PRPF18: variants seen among roughly 807,000 people sequenced by gnomAD.
PRPF18 encodes the protein pre-mRNA processing factor 18.
Under a neutral mutation model 46.5 loss-of-function variants are expected in PRPF18, and 38 were observed. That is an observed-to-expected ratio of 0.82 (90% CI 0.63 to 1.07). The LOEUF is 1.07. Ranked by LOEUF, PRPF18 falls within the 50% of genes least tolerant of loss-of-function variation. The probability of loss-of-function intolerance (pLI) is 0.00; values close to 1 mark genes in which losing one functional copy is unlikely to be tolerated. For missense variants in PRPF18, 263 were observed against 410.0 expected, an observed-to-expected ratio of 0.64 and a Z score of 3.10; for synonymous variants, 152 against 146.7, an observed-to-expected ratio of 1.04 and a Z score of -0.26.
intron 9 of PRPF18, among the ~76,000 whole-genome samples, chr10:13,629,254 C>T (rs2080557369): frequency 6.6e-6 from 1 of 152,056 alleles, no homozygotes; most frequent in African/African-American, 2.4e-5. Context: ...TTACAGTTGC[C>T]AAGATACAGA....
At position 13,630,298 on chromosome 10, in the gene PRPF18, TCCTACAGAC is replaced by T; in HGVS notation, c.990_998del (p.Thr331_Pro333del). Reference sequence around the variant, plus strand: ...TAATGACCATTTGCCAGAAACACTTTCCTACAGACCCATCCAAATGTGTGGAGTACAATG... The same window carrying T: ...TAATGACCATTTGCCAGAAACACTTTCCATCCAAATGTGTGGAGTACAATG... On this transcript the variant is annotated inframe_deletion, in exon 10 of 10. Transcript: ENST00000378572. 1 of 1,612,858 alleles carries T rather than the reference TCCTACAGAC, an allele frequency of 6.2e-7. No individual in the cohort carries two copies. The highest frequency in any genetic ancestry group is 8.5e-7 in the Non-Finnish European group (1 of 1,178,842).
the PRPF18 span, chr10:13,655,543 C>T: frequency 1.0e-5 from 1 of 98,892 alleles, no homozygotes; most frequent in Non-Finnish European, 2.0e-5. Context: ...GCCAGTGGAC[C>T]CTAATAAACG....
intron 4 of PRPF18, among the ~76,000 whole-genome samples, chr10:13,607,548 A>C (rs2080208262): frequency 6.6e-6 from 1 of 152,130 alleles, no homozygotes; most frequent in Non-Finnish European, 1.5e-5. Context: ...AGTAGCTGAG[A>C]CCACAGGTGT....
intron 1 of PRPF18, among the ~76,000 whole-genome samples, chr10:13,588,231 A>AC (rs1426825851): frequency 6.6e-6 from 1 of 151,886 alleles, no homozygotes; most frequent in African/African-American, 2.4e-5. Flanking sequence ...ACATGGTGAA[A>AC]CCCCGTCTCT....
At position 13,630,684 on chromosome 10, in the gene PRPF18, G is replaced by A; in HGVS notation, c.*344G>A. 6.4e-6 allele frequency: 1 copy of A among 155,064 alleles called. No homozygotes were observed. The highest frequency in any genetic ancestry group is 2.4e-5 in the African/African-American group (1 of 41,602). 9.6% of individuals were successfully genotyped at this position (155,064 alleles called of 1,614,324 possible). A position where few individuals can be genotyped will look rare whatever the true frequency, so the allele number is the denominator to read the frequency against. ...TAGATGATTAAAAAGAAACATTTGA[G>A]GATGGACTTAATTATTTCAGTAAAA... is the stretch of plus-strand genomic sequence containing the variant. On this transcript the variant is annotated 3_prime_UTR_variant, in exon 10 of 10. Coordinates refer to ENST00000378572, the MANE Select transcript of PRPF18 (RefSeq NM_003675.4).
intron 1 of PRPF18, among the ~76,000 whole-genome samples, chr10:13,595,201 A>C (rs1465880217): frequency 6.6e-6 from 1 of 152,182 alleles, no homozygotes; most frequent in East Asian, 1.9e-4. Context: ...AACGGGGCAC[A>C]TAATGTCTTA....
At chr10:13,619,049 A>G (rs181075711) in intron 9 of PRPF18, among the ~76,000 whole-genome samples, 135 of 152,238 alleles carry the variant, frequency 8.9e-4, no homozygotes, top group Non-Finnish European at 1.6e-3. Flanking sequence ...GGAGCATGCA[A>G]CCTCGATCCC....
At chr10:13,611,581 T>G in intron 5 of PRPF18, 34 bp from the exon 6 acceptor site, 1 of 1,574,404 alleles carries the variant, frequency 6.4e-7, no homozygotes, top group Non-Finnish European at 8.7e-7. Flanking sequence ...TTGCTCTGTA[T>G]TAATGAACAG....
chr10:13,647,766 A>G, the PRPF18 span: 1 of 146,594 alleles, frequency 6.8e-6, no homozygotes, highest in Non-Finnish European at 1.5e-5. Context: ...TTAGGGAGGT[A>G]TCACCATTTA....
chr10:13,611,862 A>G (rs2080273451), intron 6 of PRPF18, among the ~76,000 whole-genome samples, 179 bp downstream of exon 6: 1 of 150,358 alleles, frequency 6.7e-6, no homozygotes, highest in African/African-American at 2.4e-5. Context: ...GAGAAAATGC[A>G]TATTTACTTT....
At chr10:13,654,335 A>G in the PRPF18 span, 1 of 932,978 alleles carries the variant, frequency 1.1e-6, no homozygotes, top group African/African-American at 1.6e-5. Context: ...ATTTACTGAC[A>G]TATCCTTATG....
intron 9 of PRPF18, 148 bp downstream of exon 9, chr10:13,616,701 G>T (rs2133822435): frequency 2.1e-6 from 2 of 971,380 alleles, no homozygotes; most frequent in East Asian, 5.2e-5. Context: ...CACTGACACT[G>T]AAGCCACCTT....
the PRPF18 span, among the ~76,000 whole-genome samples, chr10:13,636,654 AAGTAAACATTTCACAC>A: frequency 4.6e-5 from 7 of 152,216 alleles, no homozygotes; most frequent in African/African-American, 1.4e-4. Context: ...GTTTTTCACA[AAGTAAACATTTCACAC>A]AGTAAACAAA....
chr10:13,631,374 G>C (rs2080588230), downstream of PRPF18: 1 of 152,200 alleles, frequency 6.6e-6, no homozygotes, highest in Non-Finnish European at 1.5e-5. Context: ...GTAAGAGCGG[G>C]GGCTCCAAAG....
intron 6 of PRPF18, 30 bp from the exon 7 acceptor site, chr10:13,613,711 G>A: frequency 6.2e-7 from 1 of 1,603,082 alleles, no homozygotes. Context: ...GGGTGGCATT[G>A]TAGTCTAAGT....
chr10:13,608,809 A>C (rs2080228273), intron 4 of PRPF18, among the ~76,000 whole-genome samples: 1 of 152,206 alleles, frequency 6.6e-6, no homozygotes, highest in Non-Finnish European at 1.5e-5. Context: ...TTTGAGGACA[A>C]AGCACAGGAG....
chr10:13,617,156 G>A (rs769613255), intron 9 of PRPF18, among the ~76,000 whole-genome samples: 3 of 152,176 alleles, frequency 2.0e-5, no homozygotes, highest in Non-Finnish European at 4.4e-5. Context: ...ATAATGTAGT[G>A]TTTGCCAGAT....
chr10:13,634,250 C>G (rs2080615469), downstream of PRPF18, among the ~76,000 whole-genome samples: 1 of 152,202 alleles, frequency 6.6e-6, no homozygotes, highest in Non-Finnish European at 1.5e-5. Context: ...TGTGTTGCCT[C>G]TGCTGGTCAC....
At position 13,596,018 on chromosome 10, in the gene PRPF18, C is replaced by T. The variant is rs558290833; in HGVS notation, c.67-1440C>T. On this transcript the variant is annotated intron_variant, in intron 1 of 9. Transcript: ENST00000378572. ...TACTCTTCTCACATTCGTATATTTT[C>T]CAACTGAATTAAAATATGTACATAC... Among the ~76,000 whole-genome samples the T allele has an allele frequency of 5.0e-4, 76 of 152,314 alleles. 1 individual carries two copies. The highest frequency in any genetic ancestry group is 1.7e-3 in the African/African-American group (72 of 41,568).
Sources: gnomAD v4.1 joint callset for allele counts (sites outside exome capture counted in the v4.1 genomes callset) on GRCh38, gnomAD v4.1.1 for gene constraint, MANE v1.5 for transcripts, NCBI Gene and HGNC (gene_info 2026-07-23, HGNC 2026-07-21) for gene names.